The following CFAP58 variants were observed in gnomAD, a reference collection of about 807,000 sequenced individuals.
CFAP58 encodes cilia- and flagella-associated protein 58.
Under a neutral mutation model 119.5 loss-of-function variants are expected in CFAP58, and 88 were observed. The observed-to-expected ratio is 0.74, with a 90% CI of 0.62 to 0.88. The LOEUF is 0.88. Ranked by LOEUF, CFAP58 falls within the 40% of genes least tolerant of loss-of-function variation. The probability of loss-of-function intolerance (pLI) is 0.00; values close to 1 mark genes in which losing one functional copy is unlikely to be tolerated. For synonymous variants in CFAP58, 365 were observed against 366.3 expected (o/e 1.00, Z 0.04); for missense variants, 990 against 1,021.2 (o/e 0.97, Z 0.42).
At chr10:104,381,355 T>C (rs1378567853) in intron 9 of CFAP58, among the ~76,000 whole-genome samples, 2 of 152,192 alleles carry the variant, frequency 1.3e-5, no homozygotes. Context: ...GCATTAAGCA[T>C]GAGTGGTTAA....
intron 15 of CFAP58, among the ~76,000 whole-genome samples, chr10:104,424,822 A>G (rs999298086): frequency 2.6e-5 from 4 of 152,208 alleles, no homozygotes; most frequent in Admixed American, 6.5e-5. Context: ...AGCAGGGGAG[A>G]TGAGTAAGAA....
At chr10:104,361,540 T>C (rs919682612) in intron 2 of CFAP58, among the ~76,000 whole-genome samples, 1 of 152,356 alleles carries the variant, frequency 6.6e-6, no homozygotes, top group South Asian at 2.1e-4. Flanking sequence ...TCTCATGTGA[T>C]AAAACTTATT....
chr10:104,362,260 G>A (rs1215934507), intron 3 of CFAP58, 89 bp downstream of exon 3: 1 of 1,151,046 alleles, frequency 8.7e-7, no homozygotes, highest in South Asian at 1.7e-5. Flanking sequence ...GTGTCTTCTT[G>A]AACATTGTCT....
At chr10:104,435,642 C>G (rs904821076) in intron 15 of CFAP58, among the ~76,000 whole-genome samples, 3 of 152,150 alleles carry the variant, frequency 2.0e-5, no homozygotes, top group African/African-American at 7.2e-5. Context: ...GTTGACTCTT[C>G]TTTCTTGGTC....
At chr10:104,420,129 T>G (rs1218470301) in intron 15 of CFAP58, among the ~76,000 whole-genome samples, 5 of 32,910 alleles carry the variant, frequency 1.5e-4, no homozygotes, top group African/African-American at 1.2e-3. Context: ...TTTGGGGCCT[T>G]TTTTTTTTTT....
chr10:104,387,454 A>C (rs1276383726), intron 9 of CFAP58, among the ~76,000 whole-genome samples: 1 of 152,200 alleles, frequency 6.6e-6, no homozygotes, highest in Non-Finnish European at 1.5e-5. Context: ...GGCTATAGCG[A>C]GTCACATGGC....
At chr10:104,418,115 C>A (rs2012583215) in intron 15 of CFAP58, among the ~76,000 whole-genome samples, 1 of 152,248 alleles carries the variant, frequency 6.6e-6, no homozygotes, top group South Asian at 2.1e-4. Flanking sequence ...CAGGCTCATT[C>A]ATTCACGGAA....
chr10:104,392,841 A>G (rs1388828852), intron 10 of CFAP58, among the ~76,000 whole-genome samples: 1 of 152,012 alleles, frequency 6.6e-6, no homozygotes, highest in East Asian at 1.9e-4. Context: ...GGTTTTCACC[A>G]TGTTGGCCAG....
chr10:104,378,437 G>A (rs1165069976), intron 8 of CFAP58, among the ~76,000 whole-genome samples: 2 of 152,176 alleles, frequency 1.3e-5, no homozygotes, highest in African/African-American at 4.8e-5. Flanking sequence ...TTGTCCAGCA[G>A]TTTTCAGACC....
the CFAP58 span, among the ~76,000 whole-genome samples, chr10:104,338,720 C>T: frequency 6.6e-6 from 1 of 152,200 alleles, no homozygotes; most frequent in Non-Finnish European, 1.5e-5. Context: ...CCTTAAAAGT[C>T]GTCCTAAGCC....
At chr10:104,434,102 C>G (rs140447701) in intron 15 of CFAP58, among the ~76,000 whole-genome samples, 1 of 152,352 alleles carries the variant, frequency 6.6e-6, no homozygotes, top group Non-Finnish European at 1.5e-5. Context: ...TAGCCTCACT[C>G]AGCCTCTGTT....
At chr10:104,450,374 T>A (rs1392186203) in intron 17 of CFAP58, among the ~76,000 whole-genome samples, 170 bp downstream of exon 17, 1 of 152,214 alleles carries the variant, frequency 6.6e-6, no homozygotes, top group Non-Finnish European at 1.5e-5. Context: ...GATCAGTGTC[T>A]CATCTGATAC....
At chr10:104,369,834 T>C (rs982360995) in intron 6 of CFAP58, among the ~76,000 whole-genome samples, 3 of 152,224 alleles carry the variant, frequency 2.0e-5, no homozygotes, top group Non-Finnish European at 2.9e-5. Context: ...CGCAAAAGAA[T>C]CCCAGCTGCT....
chr10:104,360,934 C>A (rs2014658432), intron 2 of CFAP58, among the ~76,000 whole-genome samples: 1 of 152,124 alleles, frequency 6.6e-6, no homozygotes, highest in South Asian at 2.1e-4. Flanking sequence ...CTGTGATGAA[C>A]ATATGCATGC....
intron 16 of CFAP58, among the ~76,000 whole-genome samples, chr10:104,449,534 C>T (rs746795250): frequency 2.0e-5 from 3 of 151,976 alleles, no homozygotes; most frequent in Non-Finnish European, 2.9e-5. Flanking sequence ...TGAAGAGTCC[C>T]GAAGAACACA....
chr10:104,422,624 T>C (rs2133069205), intron 15 of CFAP58, among the ~76,000 whole-genome samples: 1 of 152,326 alleles, frequency 6.6e-6, no homozygotes, highest in South Asian at 2.1e-4. Flanking sequence ...TGTACAGTGG[T>C]TGGTGCTGGC....
chr10:104,383,383 C>T (rs562974381), intron 9 of CFAP58, among the ~76,000 whole-genome samples: 5 of 152,262 alleles, frequency 3.3e-5, no homozygotes, highest in Admixed American at 3.3e-4. Context: ...CATCCTGGCA[C>T]ATGAGAGACA....
At chr10:104,360,056 T>A (rs2014645439) in intron 2 of CFAP58, among the ~76,000 whole-genome samples, 2 of 152,266 alleles carry the variant, frequency 1.3e-5, no homozygotes, top group Non-Finnish European at 2.9e-5. Flanking sequence ...GTAATCTGTC[T>A]AATGTAATAG....
chr10:104,383,651 C>G (rs1358517592), intron 9 of CFAP58, among the ~76,000 whole-genome samples: 2 of 152,130 alleles, frequency 1.3e-5, no homozygotes, highest in East Asian at 3.8e-4. Context: ...TAACCCCTGA[C>G]AGCATGTATC....
Sources: gnomAD v4.1 joint callset for allele counts (sites outside exome capture counted in the v4.1 genomes callset) on GRCh38, gnomAD v4.1.1 for gene constraint, MANE v1.5 for transcripts, NCBI Gene and HGNC (gene_info 2026-07-23, HGNC 2026-07-21) for gene names.